PDE12: variants seen among roughly 807,000 people sequenced by gnomAD.
PDE12 encodes phosphodiesterase 12, also known as 2',5'-phosphodiesterase 12.
In PDE12, 26 loss-of-function variants were observed where a neutral mutation model predicts 45.4. That is an observed-to-expected ratio of 0.57 (90% confidence interval 0.42 to 0.79). PDE12 has a LOEUF of 0.79. Among genes scored for constraint, PDE12 ranks in the 30% least tolerant of loss-of-function variants. The pLI is 0.00. For missense variants in PDE12, 668 were observed against 790.0 expected, an observed-to-expected ratio of 0.85 and a Z score of 1.85; for synonymous variants, 283 against 323.9, an observed-to-expected ratio of 0.87 and a Z score of 1.36.
At chr3:57,606,053 G>A in the PDE12 span, among the ~76,000 whole-genome samples, 55 of 152,100 alleles carry the variant, frequency 3.6e-4, no homozygotes, top group Non-Finnish European at 6.9e-4. Flanking sequence ...GAAGGGAAGA[G>A]GGACAGAAAA....
the PDE12 span, among the ~76,000 whole-genome samples, chr3:57,622,176 A>T: frequency 6.6e-6 from 1 of 152,218 alleles, no homozygotes; most frequent in African/African-American, 2.4e-5. Context: ...ACTCTGTCTC[A>T]AAAACCAAAT....
Position 57,557,591 on chromosome 3 carries a change from C to T in PDE12, c.1212C>T (p.Ala404=), listed in dbSNP as rs755116788. 6.2e-7 allele frequency: 1 copy of T among 1,614,116 alleles called. No individual in the cohort carries two copies. Among genetic ancestry groups the T allele is most frequent in the South Asian group, 1.1e-5 (1 of 91,084 alleles). ...LSQHDISFYE[A]LESDPLHKEL... ...AGCATGACATTTCATTCTACGAAGC[C>T]CTCGAGTCCGACCCACTTCACAAAG... Residue 404 remains alanine (A), a synonymous_variant, in exon 1 of 3, where the codon GCC becomes GCT. Transcript: ENST00000311180.
the PDE12 span, among the ~76,000 whole-genome samples, chr3:57,635,933 A>C: frequency 6.6e-6 from 1 of 152,184 alleles, no homozygotes; most frequent in African/African-American, 2.4e-5. Flanking sequence ...GAAGACTTTT[A>C]TGATGATCCA....
rs1326385274 is a variant in PDE12 at position 57,557,660 on chromosome 3, G to A, written c.1281G>A (p.Lys427=). 1.9e-6 allele frequency: 3 copies of A among 1,613,994 alleles called. No homozygotes were observed. The South Asian group carries it at 3.3e-5, about 18-fold the overall frequency. Residue 427 remains lysine, a synonymous_variant, in exon 1 of 3, where the codon AAG becomes AAA. Coordinates refer to ENST00000311180, the MANE Select transcript of PDE12 (RefSeq NM_177966.7). Reference sequence around the variant, plus strand: ...TTTTGTACCCATCAGCGCAGGAGAAGGTGCTCCAGAGATCTTCTGTTCTTC... The same window carrying A: ...TTTTGTACCCATCAGCGCAGGAGAAAGTGCTCCAGAGATCTTCTGTTCTTC... ...KLVLYPSAQE[K]VLQRSSVLQV... is the part of the protein sequence containing the mutation.
chr3:57,642,780 C>T, the PDE12 span, among the ~76,000 whole-genome samples: 1 of 151,984 alleles, frequency 6.6e-6, no homozygotes, highest in African/African-American at 2.4e-5. Context: ...CCGAGGTGGG[C>T]AGATCACCTG....
chr3:57,581,595 G>T, the PDE12 span, among the ~76,000 whole-genome samples: 1 of 152,206 alleles, frequency 6.6e-6, no homozygotes, highest in Admixed American at 6.5e-5. Flanking sequence ...GAGGTCAGGA[G>T]ATCGAGACCA....
chr3:57,650,421 T>TACACACAC, the PDE12 span, among the ~76,000 whole-genome samples: 1,745 of 149,950 alleles, frequency 0.012, 34 homozygotes, highest in Admixed American at 0.036. Flanking sequence ...TGCATTTACA[T>TACACACAC]ACACACACAC....
At chr3:57,649,979 A>G in the PDE12 span, among the ~76,000 whole-genome samples, 1 of 151,920 alleles carries the variant, frequency 6.6e-6, no homozygotes, top group Non-Finnish European at 1.5e-5. Context: ...GGAATGAAAT[A>G]AAGGCATTCA....
the PDE12 span, among the ~76,000 whole-genome samples, chr3:57,579,035 G>C: frequency 6.6e-6 from 1 of 151,772 alleles, no homozygotes; most frequent in South Asian, 2.1e-4. Flanking sequence ...GGTGGCTTTC[G>C]CCTGTAATCC....
chr3:57,559,829 A>T lies in PDE12; in HGVS notation c.1655A>T (p.Tyr552Phe). Residue 552 changes from tyrosine to phenylalanine, a missense_variant, in exon 3 of 3, where the codon TAT becomes TTT. By Grantham distance (22) the Tyr-to-Phe change is conservative (BLOSUM62 3). Around this residue, in one of 3 missense-constraint regions of PDE12, gnomAD observed 79 missense variants for 97.9 expected, o/e 0.81. Transcript: ENST00000311180. The stretch of plus-strand genomic sequence containing the variant: ...TGTGGTGAACCTGCTTACACAAATT[A>T]TGTTGGTGGCTTTCATGGATGTCTA... Reference protein sequence around the residue: ...SACGEPAYTNYVGGFHGCLDY... With the variant: ...SACGEPAYTNFVGGFHGCLDY... The T allele has an allele frequency of 1.2e-6, 2 of 1,614,142 alleles. No homozygotes were observed. Among genetic ancestry groups the T allele is most frequent in the Non-Finnish European group, 1.7e-6 (2 of 1,180,028 alleles).
the PDE12 span, among the ~76,000 whole-genome samples, chr3:57,606,772 G>T: frequency 6.6e-6 from 1 of 152,134 alleles, no homozygotes; most frequent in African/African-American, 2.4e-5. Context: ...GTAAATTAAA[G>T]ATGTATATAA....
In PDE12 at chr3:57,559,670, G is replaced by C; in HGVS notation, c.1496G>C (p.Ser499Thr). 2.5e-6 allele frequency: 4 copies of C among 1,614,158 alleles called. No homozygotes were observed. The highest frequency in any genetic ancestry group is 3.4e-6 in the Non-Finnish European group (4 of 1,180,014). The change falls in exon 3 of 3, where the codon AGT (serine) becomes ACT (threonine). Residue 499 changes from serine to threonine, a missense_variant. Around this residue, in one of 3 missense-constraint regions of PDE12, gnomAD observed 580 missense variants for 662.9 expected, o/e 0.87. Coordinates refer to ENST00000311180, the MANE Select transcript of PDE12 (RefSeq NM_177966.7). Reference sequence around the variant, plus strand: ...GTTATATTTTGTGGGGACTTTAATAGTACACCATCAACAGGAATGTATCAT... The same window carrying C: ...GTTATATTTTGTGGGGACTTTAATACTACACCATCAACAGGAATGTATCAT... Reference protein sequence around the residue: ...IPVIFCGDFNSTPSTGMYHFV... With the variant: ...IPVIFCGDFNTTPSTGMYHFV...
chr3:57,591,439 TATGA>T, the PDE12 span, among the ~76,000 whole-genome samples: 2 of 151,614 alleles, frequency 1.3e-5, no homozygotes, highest in African/African-American at 4.8e-5. Context: ...TACGCTATAA[TATGA>T]ATGAACTTTT....
chr3:57,596,982 C>T, the PDE12 span: 3 of 1,382,220 alleles, frequency 2.2e-6, no homozygotes, highest in Non-Finnish European at 2.0e-6. Context: ...CCCACCACAG[C>T]GGGCGGAGGA....
Position 57,557,189 on chromosome 3 carries a change from A to G in PDE12, c.810A>G (p.Val270=). The G allele has an allele frequency of 1.2e-6, 2 of 1,614,018 alleles. No individual in the cohort carries two copies. Among genetic ancestry groups the G allele is most frequent in the Non-Finnish European group, 1.7e-6 (2 of 1,179,998 alleles). The change falls in exon 1 of 3, where the codon GTA becomes GTG. Residue 270 remains valine, a synonymous_variant. Coordinates refer to ENST00000311180, the MANE Select transcript of PDE12 (RefSeq NM_177966.7). ...GGGAGTTGGAAAGTGTGTGTGTGGT[A>G]GAGGCTGGGCCTGGCACCTGCACTT... ...HSRELESVCV[V]EAGPGTCTFD...
chr3:57,644,505 G>A, the PDE12 span, among the ~76,000 whole-genome samples: 2 of 150,790 alleles, frequency 1.3e-5, no homozygotes, highest in South Asian at 2.1e-4. Context: ...ACAGGGTTTT[G>A]CCATGTTGCC....
chr3:57,592,415 G>A, the PDE12 span, among the ~76,000 whole-genome samples: 1 of 152,110 alleles, frequency 6.6e-6, no homozygotes, highest in Admixed American at 6.6e-5. Flanking sequence ...TTGAACCCAG[G>A]AGGCGGAGGT....
the PDE12 span, among the ~76,000 whole-genome samples, chr3:57,592,503 A>G: frequency 6.6e-6 from 1 of 152,084 alleles, no homozygotes; most frequent in Non-Finnish European, 1.5e-5. Context: ...TTTTTTATCA[A>G]ATTCATCAGA....
chr3:57,628,229 T>C, the PDE12 span: 1 of 1,613,408 alleles, frequency 6.2e-7, no homozygotes, highest in Non-Finnish European at 8.5e-7. Context: ...TCATGCCCGT[T>C]TTGAGCAGTA....
Sources: allele counts gnomAD v4.1 joint callset (sites outside exome capture counted in the v4.1 genomes callset), GRCh38; gene constraint gnomAD v4.1.1; regional missense constraint gnomAD v4.1.1; transcripts MANE v1.5; gene names NCBI Gene and HGNC (gene_info 2026-07-23, HGNC 2026-07-21).